The following SORCS1 variants were observed in gnomAD, a reference collection of about 807,000 sequenced individuals.
The protein encoded by SORCS1 is VPS10 domain-containing receptor SorCS1.
Under a neutral mutation model 146.1 loss-of-function variants are expected in SORCS1, and 60 were observed. The observed-to-expected ratio is 0.41, with a 90% CI of 0.33 to 0.51. The LOEUF is 0.51. Among genes scored for constraint, SORCS1 ranks in the 20% least tolerant of loss-of-function variants. The pLI is 0.21. For missense variants in SORCS1, 1,352 were observed against 1,487.6 expected, an observed-to-expected ratio of 0.91 and a Z score of 1.50; for synonymous variants, 637 against 584.0, an observed-to-expected ratio of 1.09 and a Z score of -1.31.
At chr10:106,897,285 C>A (rs1951526888) in intron 2 of SORCS1, among the ~76,000 whole-genome samples, 1 of 152,104 alleles carries the variant, frequency 6.6e-6, no homozygotes, top group Non-Finnish European at 1.5e-5. Context: ...CTGCCTCAAC[C>A]TCCCAAAGTG....
chr10:106,967,340 T>C (rs542283411), intron 1 of SORCS1, among the ~76,000 whole-genome samples: 1 of 111,812 alleles, frequency 8.9e-6, no homozygotes, highest in Non-Finnish European at 2.0e-5. Context: ...TTAAATGATT[T>C]TGACTTTTTT....
chr10:107,058,990 C>T (rs1300741402), intron 1 of SORCS1, among the ~76,000 whole-genome samples: 5 of 152,040 alleles, frequency 3.3e-5, no homozygotes, highest in East Asian at 1.9e-4. Context: ...AGCGCTGCAC[C>T]GGGTTTTTAT....
chr10:106,626,702 G>A (rs2133556645), intron 19 of SORCS1, among the ~76,000 whole-genome samples: 1 of 152,328 alleles, frequency 6.6e-6, no homozygotes, highest in Non-Finnish European at 1.5e-5. Context: ...AAAAGAGTTT[G>A]TGGGCATAGC....
At chr10:106,701,202 A>G (rs1043688734) in intron 8 of SORCS1, among the ~76,000 whole-genome samples, 1 of 152,238 alleles carries the variant, frequency 6.6e-6, no homozygotes, top group African/African-American at 2.4e-5. Flanking sequence ...AATATTTTCA[A>G]TCTGATGCAG....
At chr10:106,612,664 G>A (rs187008504) in intron 21 of SORCS1, among the ~76,000 whole-genome samples, 6 of 152,180 alleles carry the variant, frequency 3.9e-5, no homozygotes, top group Admixed American at 3.9e-4. Context: ...ATGTTTGGTT[G>A]GACCCAGTTT....
chr10:106,766,302 G>A (rs1859569580), intron 4 of SORCS1, among the ~76,000 whole-genome samples: 1 of 152,124 alleles, frequency 6.6e-6, no homozygotes, highest in Non-Finnish European at 1.5e-5. Context: ...CTGCCCTGGG[G>A]ATGGCCTGGG....
chr10:107,143,075 T>C (rs1208384998), intron 1 of SORCS1, among the ~76,000 whole-genome samples: 1 of 152,158 alleles, frequency 6.6e-6, no homozygotes, highest in Non-Finnish European at 1.5e-5. Context: ...CTGCCCTCTA[T>C]AGTGTTATCT....
intron 3 of SORCS1, among the ~76,000 whole-genome samples, chr10:106,813,771 C>CA (rs899922612): frequency 2.0e-5 from 3 of 151,704 alleles, no homozygotes; most frequent in East Asian, 1.9e-4. Flanking sequence ...CATGTACCTA[C>CA]AAAAAAAATG....
In SORCS1 at chr10:106,667,818, C is replaced by T. The variant is rs773243883; in HGVS notation, c.2190-16G>A. Reference sequence around the variant, plus strand: ...ACCATAGTCGCTGTTAGGAAAGAGCCGAGAAAAACCTTTCACTAGGTGGCA... The same window carrying T: ...ACCATAGTCGCTGTTAGGAAAGAGCTGAGAAAAACCTTTCACTAGGTGGCA... On this transcript the variant is annotated splice_polypyrimidine_tract_variant and intron_variant, in intron 16 of 25. Transcript: ENST00000263054. 5 of 1,604,938 alleles carry T rather than the reference C, an allele frequency of 3.1e-6. No homozygotes were observed. The highest frequency in any genetic ancestry group is 2.2e-5 in the East Asian group (1 of 44,734).
chr10:106,924,467 A>C (rs1019451067), intron 2 of SORCS1, among the ~76,000 whole-genome samples: 3 of 37,588 alleles, frequency 8.0e-5, no homozygotes, highest in African/African-American at 4.6e-4. Flanking sequence ...ACAGTTATCG[A>C]TCTATCTATC....
intron 1 of SORCS1, among the ~76,000 whole-genome samples, chr10:107,070,416 C>A (rs1256493059): frequency 6.6e-6 from 1 of 151,986 alleles, no homozygotes; most frequent in African/African-American, 2.4e-5. Flanking sequence ...TTTTACACTC[C>A]CACTTAATGG....
rs548314426 is a variant in SORCS1 at position 106,688,404 on chromosome 10, A to T, written c.1414-66T>A. On this transcript the variant is annotated intron_variant, in intron 9 of 25. Transcript: ENST00000263054. ...GAAGGGATATATTTGTTTACTTTTT[A>T]AAAAAAGAAGGCTGTCAAAGTCAGC... is the stretch of plus-strand genomic sequence containing the variant. 2.6e-4 allele frequency: 397 copies of T among 1,554,886 alleles called. 1 individual carries two copies. Among genetic ancestry groups the T allele is most frequent in the Middle Eastern group, 2.0e-3 (11 of 5,512 alleles).
intron 2 of SORCS1, among the ~76,000 whole-genome samples, chr10:106,942,450 G>C (rs149995134): frequency 4.5e-4 from 68 of 152,288 alleles, no homozygotes; most frequent in African/African-American, 1.4e-3. Flanking sequence ...AAAAAGCACA[G>C]TCATGCTGAC....
At chr10:107,132,937 C>T (rs1026696370) in intron 1 of SORCS1, among the ~76,000 whole-genome samples, 1 of 152,210 alleles carries the variant, frequency 6.6e-6, no homozygotes, top group Admixed American at 6.5e-5. Context: ...AAACAACAAT[C>T]ACACTTTTGG....
intron 1 of SORCS1, among the ~76,000 whole-genome samples, chr10:107,101,115 A>G (rs1442182670): frequency 6.6e-6 from 1 of 152,018 alleles, no homozygotes; most frequent in African/African-American, 2.4e-5. Context: ...GCTGGAGTGC[A>G]ATGGCGCGAT....
At chr10:106,836,984 C>A (rs958655724) in intron 2 of SORCS1, among the ~76,000 whole-genome samples, 3 of 152,196 alleles carry the variant, frequency 2.0e-5, no homozygotes, top group East Asian at 1.9e-4. Context: ...ACTGCAGTGC[C>A]TACATGTATT....
At chr10:106,980,813 A>G (rs941258212) in intron 1 of SORCS1, among the ~76,000 whole-genome samples, 1 of 152,222 alleles carries the variant, frequency 6.6e-6, no homozygotes, top group Non-Finnish European at 1.5e-5. Flanking sequence ...ATAGATTGCA[A>G]TTTGTAAGGT....
chr10:106,985,279 T>C (rs924066717), intron 1 of SORCS1, among the ~76,000 whole-genome samples: 23 of 152,220 alleles, frequency 1.5e-4, no homozygotes, highest in African/African-American at 5.5e-4. Context: ...TATCCTCCAA[T>C]GACTTTTGAG....
chr10:106,757,181 G>C (rs538543310), intron 5 of SORCS1, among the ~76,000 whole-genome samples: 2 of 152,146 alleles, frequency 1.3e-5, no homozygotes, highest in African/African-American at 4.8e-5. Flanking sequence ...ACTTCCAGGG[G>C]TGGCATGACC....
Sources: gnomAD v4.1 joint callset for allele counts (sites outside exome capture counted in the v4.1 genomes callset) on GRCh38, gnomAD v4.1.1 for gene constraint, MANE v1.5 for transcripts, NCBI Gene and HGNC (gene_info 2026-07-23, HGNC 2026-07-21) for gene names.